GAS7: variants seen among roughly 807,000 people sequenced by gnomAD.
GAS7 encodes growth arrest specific 7, also known as growth arrest-specific protein 7.
GAS7 carries 28 observed loss-of-function variants against 71.1 expected under a neutral mutation model. The ratio of observed to expected loss-of-function variants is 0.39; its 90% CI spans 0.29 to 0.54. GAS7 has a LOEUF of 0.54. Ranked by LOEUF, GAS7 falls within the 20% of genes least tolerant of loss-of-function variation. The pLI is 0.62. For synonymous variants in GAS7, 258 were observed against 245.8 expected, an observed-to-expected ratio of 1.05 and a Z score of -0.46; for missense variants, 436 against 627.8, an observed-to-expected ratio of 0.69 and a Z score of 3.27.
chr17:9,912,747 A>G lies in GAS7; in HGVS notation c.*4481T>C. 1 of 232,772 alleles carries G rather than the reference A, an allele frequency of 4.3e-6. No individual in the cohort carries two copies. The highest frequency in any genetic ancestry group is 8.5e-6 in the Non-Finnish European group (1 of 117,700). 14.4% of individuals were successfully genotyped at this position (232,772 alleles called of 1,614,324 possible). ...TTGGAGGAGGAGCCTGGGGAACTGA[A>G]GGAAGCAGCAAGCTGGAAGTGGTCG... On this transcript the variant is annotated 3_prime_UTR_variant, in exon 14 of 14. Coordinates refer to ENST00000432992, the MANE Select transcript of GAS7 (RefSeq NM_201433.2).
chr17:10,156,714 AGCAGGCT>A (rs904531421), intron 1 of GAS7, among the ~76,000 whole-genome samples: 24 of 152,228 alleles, frequency 1.6e-4, no homozygotes, highest in African/African-American at 5.8e-4. Context: ...GTTCCCTCCT[AGCAGGCT>A]GCAGGCTGCA....
At position 9,969,656 on chromosome 17, in the gene GAS7, T is replaced by C. The variant is rs764152796; in HGVS notation, c.471+21A>G. 2.8e-6 allele frequency: 4 copies of C among 1,447,432 alleles called. No homozygotes were observed. The highest frequency in any genetic ancestry group is 3.9e-6 in the Non-Finnish European group (4 of 1,027,842). The allele number at this position is 1,447,432 out of a possible 1,614,324, so 89.7% of individuals were successfully genotyped here. A position where few individuals can be genotyped will look rare whatever the true frequency, so the allele number is the denominator to read the frequency against. On this transcript the variant is annotated intron_variant, in intron 4 of 13. Coordinates refer to ENST00000432992, the MANE Select transcript of GAS7 (RefSeq NM_201433.2). The surrounding 1 kb of genome is among the most constrained non-coding windows in gnomAD (Gnocchi z 5.5). ...CTGCAGAAGCAGTGACCGCTATACCTCCCTCAACAGGACCCCTTACCTGGG... is the reference window on the plus strand; with the variant it reads ...CTGCAGAAGCAGTGACCGCTATACCCCCCTCAACAGGACCCCTTACCTGGG...
chr17:10,153,038 CAAAAAAAAAAA>C (rs397857973), intron 1 of GAS7, among the ~76,000 whole-genome samples: 1 of 76,026 alleles, frequency 1.3e-5, no homozygotes, highest in Non-Finnish European at 2.9e-5. Flanking sequence ...ACTAAAAATA[CAAAAAAAAAAA>C]AAAAAAAAAA....
At chr17:10,192,875 C>T (rs1045988225) in intron 1 of GAS7, among the ~76,000 whole-genome samples, 1 of 152,258 alleles carries the variant, frequency 6.6e-6, no homozygotes, top group African/African-American at 2.4e-5. Flanking sequence ...TGTCAGAAAG[C>T]ACGCTGGTCT....
intron 6 of GAS7, among the ~76,000 whole-genome samples, chr17:9,946,642 C>G (rs942328164): frequency 2.0e-5 from 3 of 152,200 alleles, no homozygotes; most frequent in Non-Finnish European, 4.4e-5. Context: ...AATGGCCCCC[C>G]GCTTACCTAC....
intron 1 of GAS7, among the ~76,000 whole-genome samples, chr17:10,075,440 A>G (rs1047049148): frequency 3.9e-5 from 6 of 152,202 alleles, no homozygotes; most frequent in African/African-American, 1.4e-4. Flanking sequence ...AGTCAGGAAT[A>G]AGACAATGCC....
At chr17:9,964,220 A>G in intron 4 of GAS7, among the ~76,000 whole-genome samples, 1 of 125,948 alleles carries the variant, frequency 7.9e-6, no homozygotes, top group Non-Finnish European at 1.5e-5. Context: ...AGGGGGTGAT[A>G]CCACACAGGA....
chr17:10,002,891 A>G (rs1381234134), intron 2 of GAS7, among the ~76,000 whole-genome samples: 1 of 152,190 alleles, frequency 6.6e-6, no homozygotes, highest in Non-Finnish European at 1.5e-5. Flanking sequence ...GTGTCTTTAT[A>G]GCAGCATGAT....
chr17:9,927,077 T>C (rs547316979), intron 9 of GAS7: 3 of 308,558 alleles, frequency 9.7e-6, no homozygotes, highest in African/African-American at 2.1e-5. Flanking sequence ...CTTTTAAATT[T>C]TTAGAATTTT....
chr17:9,979,650 G>A lies in GAS7; in HGVS notation c.385+2154C>T, dbSNP rs553649028. ...CCCCATGACTCAAAGGGCAAGTCTC[G>A]ACCAGCCTCACCAACGGGGCAGGCT... On this transcript the variant is annotated intron_variant, in intron 3 of 13. Transcript: ENST00000432992. 2.2e-4 allele frequency among the ~76,000 whole-genome samples: 34 copies of A among 152,174 alleles called. No individual in the cohort carries two copies. The South Asian group carries it at 6.7e-3, about 30-fold the overall frequency.
intron 1 of GAS7, among the ~76,000 whole-genome samples, chr17:10,087,072 T>C (rs1054068655): frequency 6.6e-6 from 1 of 152,220 alleles, no homozygotes; most frequent in Admixed American, 6.5e-5. Flanking sequence ...TGAAAACATG[T>C]GGTTCCCACT....
intron 7 of GAS7, 54 bp downstream of exon 7, chr17:9,943,067 G>T: frequency 1.7e-6 from 2 of 1,184,458 alleles, no homozygotes; most frequent in Non-Finnish European, 2.5e-6. Flanking sequence ...CGGCCACGGG[G>T]CCCCGGGGAA....
chr17:10,191,665 A>G lies in GAS7; in HGVS notation c.183+6543T>C, dbSNP rs113539594. Among the ~76,000 whole-genome samples, 644 of 151,752 alleles carry G rather than the reference A, an allele frequency of 4.2e-3. 6 individuals carry two copies. Among genetic ancestry groups the G allele is most frequent in the African/African-American group, 0.014 (570 of 41,370 alleles). ...GCTGAGGCGGGTGAATCACAAAGTC[A>G]GGAGTTCGAGACCAGCCTGGCCAAC... On this transcript the variant is annotated intron_variant, in intron 1 of 13. Coordinates refer to ENST00000432992, the MANE Select transcript of GAS7 (RefSeq NM_201433.2).
intron 11 of GAS7, among the ~76,000 whole-genome samples, chr17:9,921,949 A>G (rs1021795633): frequency 2.4e-5 from 3 of 123,244 alleles, no homozygotes; most frequent in African/African-American, 1.0e-4. Context: ...ACAGAGCAAG[A>G]CTCCATCTCA....
chr17:10,165,200 G>A (rs1467753121), intron 1 of GAS7, among the ~76,000 whole-genome samples: 1 of 148,390 alleles, frequency 6.7e-6, no homozygotes, highest in African/African-American at 2.5e-5. Flanking sequence ...CCTGAGGCAG[G>A]AGAATGACGT....
chr17:10,090,328 A>G (rs1268658761), intron 1 of GAS7, among the ~76,000 whole-genome samples: 1 of 152,216 alleles, frequency 6.6e-6, no homozygotes, highest in Non-Finnish European at 1.5e-5. Context: ...AGTTTACAGC[A>G]TGGAAAATGA....
intron 2 of GAS7, among the ~76,000 whole-genome samples, chr17:10,011,593 C>T (rs2071774936): frequency 6.6e-6 from 1 of 152,188 alleles, no homozygotes; most frequent in South Asian, 2.1e-4. Context: ...TACCTACCCT[C>T]ACCACTTTGT....
intron 2 of GAS7, among the ~76,000 whole-genome samples, chr17:9,985,847 T>C (rs2070626647): frequency 6.6e-6 from 1 of 152,222 alleles, no homozygotes; most frequent in African/African-American, 2.4e-5. Flanking sequence ...CGAGGCCTCC[T>C]TGGTGGCCGC....
At chr17:10,162,299 T>C (rs2074263060) in intron 1 of GAS7, among the ~76,000 whole-genome samples, 1 of 152,120 alleles carries the variant, frequency 6.6e-6, no homozygotes, top group Admixed American at 6.6e-5. Context: ...CGGGCTTATT[T>C]CAGGGGGAAA....
Sources: gnomAD v4.1 joint callset for allele counts (sites outside exome capture counted in the v4.1 genomes callset) on GRCh38, gnomAD v4.1.1 for gene constraint, Gnocchi (gnomAD v3.1) non-coding constraint, MANE v1.5 for transcripts, NCBI Gene and HGNC (gene_info 2026-07-23, HGNC 2026-07-21) for gene names.